Variants in FNDC7 observed in about 807,000 individuals in gnomAD.
FNDC7 encodes fibronectin type III domain containing 7.
FNDC7 carries 66 observed loss-of-function variants against 74.2 expected under a neutral mutation model. The observed-to-expected ratio is 0.89, with a 90% CI of 0.73 to 1.09. The LOEUF (loss-of-function observed/expected upper bound fraction) is 1.09, where lower values mean the gene tolerates loss of function less well. Ranked by LOEUF, FNDC7 falls within the 50% of genes least tolerant of loss-of-function variation. The pLI, the probability that FNDC7 is intolerant of heterozygous loss-of-function variation, is 0.00. For synonymous variants in FNDC7, 307 were observed against 330.2 expected (o/e 0.93, Z 0.76); for missense variants, 829 against 893.4 (o/e 0.93, Z 0.92).
chr1:108,729,583 T>A (rs2101085471), intron 8 of FNDC7, among the ~76,000 whole-genome samples: 1 of 152,280 alleles, frequency 6.6e-6, no homozygotes, highest in East Asian at 1.9e-4. Context: ...ACTTTCAATT[T>A]CCTGATAGGT....
In FNDC7 at chr1:108,718,813, T is replaced by G; in HGVS notation, c.362T>G (p.Val121Gly). Reference protein sequence around the residue: ...KTVLAAPILEVSSPSSDSILV... With the variant: ...KTVLAAPILEGSSPSSDSILV... ...GTGTTGGCTGCACCAATTCTAGAAGTAAGCTCTCCAAGTTCAGACTCCATT... is the reference window on the plus strand; with the variant it reads ...GTGTTGGCTGCACCAATTCTAGAAGGAAGCTCTCCAAGTTCAGACTCCATT... Residue 121 changes from valine (V) to glycine (G), a missense_variant, in exon 4 of 13, where the codon GTA (valine) becomes GGA (glycine). Val to Gly is a moderately radical substitution (Grantham distance 109). Coordinates refer to ENST00000370017, the MANE Select transcript of FNDC7 (RefSeq NM_001144937.3). 1 of 1,551,898 alleles carries G rather than the reference T, an allele frequency of 6.4e-7. No homozygotes were observed. Among genetic ancestry groups the G allele is most frequent in the Non-Finnish European group, 8.7e-7 (1 of 1,147,026 alleles).
At position 108,718,919 on chromosome 1, in the gene FNDC7, G is replaced by A. The variant is rs1487046510; in HGVS notation, c.468G>A (p.Trp156Ter). 3 of 1,551,592 alleles carry A rather than the reference G, an allele frequency of 1.9e-6. No homozygotes were observed. In the African/African-American group the frequency reaches 4.1e-5, roughly 21 times the overall value. The change falls in exon 4 of 13, where the codon TGG becomes TGA. Residue 156 changes from tryptophan (W) to a stop codon, truncating the protein, a stop_gained. Coordinates refer to ENST00000370017, the MANE Select transcript of FNDC7 (RefSeq NM_001144937.3). LOFTEE classifies it high-confidence loss of function. Reference protein sequence around the residue: ...IMRANGLGSIWKENTTNTSLT... With the variant: ...IMRANGLGSI Reference sequence around the variant, plus strand: ...GAGCCAATGGCTTGGGGAGTATATGGAAAGAGAATACTACAAACACCTCCT... The same window carrying A: ...GAGCCAATGGCTTGGGGAGTATATGAAAAGAGAATACTACAAACACCTCCT...
Position 108,715,671 on chromosome 1 carries a change from GCACA to G in FNDC7, c.83-2088_83-2085del, listed in dbSNP as rs957758663. ...CAAACATGCGCGTGCGTGCGCGCGC[GCACA>G]CACACACACACACACACTTTCCAAG... On this transcript the variant is annotated intron_variant, in intron 2 of 12. Transcript: ENST00000370017. Among the ~76,000 whole-genome samples the G allele has an allele frequency of 1.3e-3, 194 of 150,690 alleles. 2 individuals carry two copies. The highest frequency in any genetic ancestry group is 4.6e-3 in the African/African-American group (187 of 41,034).
intron 11 of FNDC7, among the ~76,000 whole-genome samples, chr1:108,741,262 T>C (rs999246274): frequency 6.6e-5 from 10 of 151,824 alleles, no homozygotes; most frequent in Non-Finnish European, 1.5e-5. Flanking sequence ...GGTAGATAGA[T>C]GGGAGGGGTT....
At position 108,728,886 on chromosome 1, in the gene FNDC7, G is replaced by T; in HGVS notation, c.1624G>T (p.Val542Leu). 1 of 1,611,636 alleles carries T rather than the reference G, an allele frequency of 6.2e-7. No homozygotes were observed. The highest frequency in any genetic ancestry group is 1.3e-5 in the African/African-American group (1 of 75,000). Reference protein sequence around the residue: ...LPSYSVPLETVPCCPTGLTVT... With the variant: ...LPSYSVPLETLPCCPTGLTVT... ...CAGCTACAGTGTGCCCCTGGAAACA[G>T]GTATGTAGCAACCACCAGCCTGAAT... Residue 542 changes from valine to leucine, a missense_variant and splice_region_variant, in exon 8 of 13, where the codon GTG becomes TTG. Coordinates refer to ENST00000370017, the MANE Select transcript of FNDC7 (RefSeq NM_001144937.3).
rs1661670747 is a variant in FNDC7, at chr1:108,742,421, T to C, written c.*534T>C. 6.6e-6 allele frequency: 1 copy of C among 152,584 alleles called. No individual in the cohort carries two copies. Among genetic ancestry groups the C allele is most frequent in the Non-Finnish European group, 1.5e-5 (1 of 68,336 alleles). 9.5% of individuals were successfully genotyped at this position (152,584 alleles called of 1,614,324 possible). On this transcript the variant is annotated 3_prime_UTR_variant, in exon 13 of 13. Transcript: ENST00000370017. The stretch of plus-strand genomic sequence containing the variant: ...CAGTAGCTGCCAGGGCAACCTGAGA[T>C]AACAAACGCCCTCATCGCAAGTTAG...
chr1:108,722,359 A>C lies in FNDC7; in HGVS notation c.623A>C (p.Gln208Pro). 1 of 1,611,556 alleles carries C rather than the reference A, an allele frequency of 6.2e-7. No homozygotes were observed. The highest frequency in any genetic ancestry group is 1.1e-5 in the South Asian group (1 of 90,850). Residue 208 changes from glutamine (Q) to proline (P), a missense_variant, in exon 5 of 13, where the codon CAA becomes CCA. Coordinates refer to ENST00000370017, the MANE Select transcript of FNDC7 (RefSeq NM_001144937.3). ...GGTCCTCGGGCCCCTGCCAACATTC[A>C]AGTCTCTTTCGATAGTGGAGCTCTG... is the stretch of plus-strand genomic sequence containing the variant. The part of the protein sequence containing the change: ...RTSPRAPANI[Q>P]VSFDSGALKA...
intron 9 of FNDC7, among the ~76,000 whole-genome samples, chr1:108,732,687 TTTCTC>T (rs1661417360): frequency 6.6e-6 from 1 of 151,956 alleles, no homozygotes; most frequent in African/African-American, 2.4e-5. Context: ...CACACATGGA[TTTCTC>T]TCTCTCTCTC....
rs1480076037 is a variant in FNDC7, at chr1:108,733,549, C to T, written c.2140+17C>T. Reference sequence around the variant, plus strand: ...TATATTCAGGTAAAGCAAGTTATGACAGTTTATCTAAAACTAACCCTGAAC... The same window carrying T: ...TATATTCAGGTAAAGCAAGTTATGATAGTTTATCTAAAACTAACCCTGAAC... On this transcript the variant is annotated intron_variant, in intron 10 of 12. Coordinates refer to ENST00000370017, the MANE Select transcript of FNDC7 (RefSeq NM_001144937.3). 5.6e-6 allele frequency: 9 copies of T among 1,607,732 alleles called. No homozygotes were observed. The highest frequency in any genetic ancestry group is 1.7e-4 in the Middle Eastern group (1 of 6,054).
intron 2 of FNDC7, 146 bp from the exon 3 acceptor site, chr1:108,717,631 C>G (rs1411820399): frequency 1.2e-6 from 1 of 816,240 alleles, no homozygotes; most frequent in Non-Finnish European, 1.9e-6. Flanking sequence ...CTTTCTTTTT[C>G]TCTGTTTTTC....
chr1:108,735,382 G>A (rs1205877779), intron 10 of FNDC7, among the ~76,000 whole-genome samples: 7 of 152,200 alleles, frequency 4.6e-5, no homozygotes, highest in Non-Finnish European at 1.5e-5. Flanking sequence ...TTACTTTTAT[G>A]CTGCCACATC....
chr1:108,733,682 A>G (rs1446904984), intron 10 of FNDC7, 150 bp downstream of exon 10: 3 of 777,656 alleles, frequency 3.9e-6, no homozygotes, highest in Non-Finnish European at 1.9e-6. Flanking sequence ...AGACAGTCTC[A>G]CTCTGTCGCC....
At chr1:108,732,750 C>G (rs969584367) in intron 9 of FNDC7, among the ~76,000 whole-genome samples, 3 of 150,468 alleles carry the variant, frequency 2.0e-5, no homozygotes, top group Non-Finnish European at 4.4e-5. Flanking sequence ...TTCTTTCTTT[C>G]TTTCTGTCTG....
At chr1:108,714,883 G>A (rs28396738) in intron 2 of FNDC7, among the ~76,000 whole-genome samples, 10 of 152,076 alleles carry the variant, frequency 6.6e-5, no homozygotes, top group Middle Eastern at 6.8e-3. Context: ...GTGAGCCACC[G>A]CGCCCGGCCG....
At chr1:108,728,545 A>G (rs1360251475) in intron 7 of FNDC7, 87 bp from the exon 8 acceptor site, 1 of 1,521,912 alleles carries the variant, frequency 6.6e-7, no homozygotes, top group African/African-American at 1.4e-5. Context: ...TGATGATCTC[A>G]CTGGGGGCAA....
At chr1:108,739,697 G>A (rs1443381509) in intron 11 of FNDC7, among the ~76,000 whole-genome samples, 2 of 152,148 alleles carry the variant, frequency 1.3e-5, no homozygotes, top group African/African-American at 2.4e-5. Flanking sequence ...CTAGTGAAGT[G>A]CCTCTATATT....
Position 108,728,673 on chromosome 1 carries a change from T to G in FNDC7, c.1411T>G (p.Phe471Val). ...PEIKNVSRDA[F>V]SMINVHWRST... ...AATAAAAAATGTTTCAAGGGATGCA[T>G]TCTCCATGATTAATGTGCACTGGCG... The change falls in exon 8 of 13, where the codon TTC (phenylalanine) becomes GTC (valine). Residue 471 changes from phenylalanine (F) to valine (V), a missense_variant. By Grantham distance (50) the Phe-to-Val change is conservative (BLOSUM62 -1). Transcript: ENST00000370017. The G allele has an allele frequency of 6.2e-7, 1 of 1,614,232 alleles. No homozygotes were observed. Among genetic ancestry groups the G allele is most frequent in the Non-Finnish European group, 8.5e-7 (1 of 1,180,038 alleles).
chr1:108,736,192 G>A (rs578217058), intron 10 of FNDC7, among the ~76,000 whole-genome samples: 10 of 152,198 alleles, frequency 6.6e-5, no homozygotes, highest in African/African-American at 9.6e-5. Flanking sequence ...CATCATTAAC[G>A]TGTGCCTGCT....
At position 108,727,882 on chromosome 1, in the gene FNDC7, C is replaced by T. The variant is rs777752048; in HGVS notation, c.1186C>T (p.Arg396Cys). The T allele has an allele frequency of 2.8e-5, 45 of 1,614,120 alleles. No individual in the cohort carries two copies. The highest frequency in any genetic ancestry group is 3.5e-5 in the Non-Finnish European group (41 of 1,180,036). ...AGTTGAGATTGTCTGGTCTCCTGTC[C>T]GTGGTGCCGAACTGTATGAAACCAA... ...DRVEIVWSPV[R>C]GAELYETKAV... The change falls in exon 7 of 13, where the codon CGT (arginine) becomes TGT (cysteine). Residue 396 changes from arginine (R) to cysteine (C), a missense_variant. Physicochemically the swap from Arg to Cys is radical, Grantham distance 180. Coordinates refer to ENST00000370017, the MANE Select transcript of FNDC7 (RefSeq NM_001144937.3).
Sources: gnomAD v4.1 joint callset for allele counts (sites outside exome capture counted in the v4.1 genomes callset) on GRCh38, gnomAD v4.1.1 for gene constraint, MANE v1.5 for transcripts, NCBI Gene and HGNC (gene_info 2026-07-23, HGNC 2026-07-21) for gene names.